Variants in PRELID2 observed in about 807,000 individuals in gnomAD.
PRELID2 encodes PRELI domain containing 2, also known as PRELI domain-containing protein 2.
In PRELID2, 25 loss-of-function variants were observed where a neutral mutation model predicts 28.4. The observed-to-expected ratio is 0.88, with a 90% CI of 0.64 to 1.23. The LOEUF (loss-of-function observed/expected upper bound fraction) is 1.23, where lower values mean the gene tolerates loss of function less well. PRELID2 is among the 50% of genes most tolerant of loss of function. The pLI is 0.00. For missense variants in PRELID2, 201 were observed against 214.4 expected, an observed-to-expected ratio of 0.94 and a Z score of 0.39; for synonymous variants, 76 against 71.6, an observed-to-expected ratio of 1.06 and a Z score of -0.31.
At chr5:145,428,932 T>A in the PRELID2 span, among the ~76,000 whole-genome samples, 1 of 149,186 alleles carries the variant, frequency 6.7e-6, no homozygotes, top group Non-Finnish European at 1.5e-5. Flanking sequence ...GTGGCTGGGC[T>A]GAGTGAACAA....
the PRELID2 span, among the ~76,000 whole-genome samples, chr5:145,309,346 G>A: frequency 6.6e-6 from 1 of 152,128 alleles, no homozygotes; most frequent in Non-Finnish European, 1.5e-5. Context: ...GAAATGATAT[G>A]AGCAAAGGCA....
chr5:145,680,360 C>T (rs559539072), intron 1 of PRELID2, among the ~76,000 whole-genome samples: 2 of 152,242 alleles, frequency 1.3e-5, no homozygotes, highest in South Asian at 4.2e-4. Context: ...CACTGTGCCC[C>T]CTAGGGGCTG....
chr5:145,443,797 A>G, the PRELID2 span, among the ~76,000 whole-genome samples: 2 of 152,044 alleles, frequency 1.3e-5, no homozygotes, highest in Non-Finnish European at 2.9e-5. Context: ...CCAGGCTCAC[A>G]TAGTAAGACA....
At chr5:145,735,226 C>T (rs1756462410) in intron 1 of PRELID2, among the ~76,000 whole-genome samples, 1 of 139,456 alleles carries the variant, frequency 7.2e-6, no homozygotes, top group Admixed American at 7.6e-5. Context: ...GCCCGGGCGA[C>T]AGTGTGAGTC....
chr5:145,810,087 A>G (rs896358739), intron 4 of PRELID2, among the ~76,000 whole-genome samples: 122 of 152,334 alleles, frequency 8.0e-4, no homozygotes, highest in African/African-American at 2.8e-3. Flanking sequence ...GGTAAAAACC[A>G]TGACTTTTTT....
chr5:145,344,152 T>C, the PRELID2 span, among the ~76,000 whole-genome samples: 2 of 152,160 alleles, frequency 1.3e-5, no homozygotes, highest in African/African-American at 4.8e-5. Context: ...CTTTCACTCA[T>C]TCTACAAGGC....
intron 1 of PRELID2, among the ~76,000 whole-genome samples, chr5:145,587,369 G>A (rs1036483827): frequency 3.3e-5 from 5 of 152,086 alleles, no homozygotes; most frequent in African/African-American, 7.2e-5. Context: ...CTTCGGGCCC[G>A]GGTGGCTGGG....
chr5:145,321,311 C>A, the PRELID2 span, among the ~76,000 whole-genome samples: 2 of 152,168 alleles, frequency 1.3e-5, no homozygotes, highest in Non-Finnish European at 2.9e-5. Context: ...TTATAGGCAA[C>A]ATAAATTCCA....
At chr5:145,677,744 C>G (rs778279916) in intron 1 of PRELID2, among the ~76,000 whole-genome samples, 15 of 152,080 alleles carry the variant, frequency 9.9e-5, no homozygotes, top group Non-Finnish European at 1.9e-4. Flanking sequence ...GAAGCACCAC[C>G]ATTCACCTCA....
intron 1 of PRELID2, among the ~76,000 whole-genome samples, chr5:145,709,974 T>C (rs992704202): frequency 6.6e-6 from 1 of 152,158 alleles, no homozygotes; most frequent in Non-Finnish European, 1.5e-5. Context: ...CGAGATCTAA[T>C]ATTTAAATCT....
At chr5:145,518,060 C>T (rs1196361794) in intron 1 of PRELID2, among the ~76,000 whole-genome samples, 1 of 151,716 alleles carries the variant, frequency 6.6e-6, no homozygotes, top group African/African-American at 2.4e-5. Context: ...TTAATGGGTG[C>T]AGCAAACCAC....
chr5:145,371,702 G>A, the PRELID2 span, among the ~76,000 whole-genome samples: 8 of 151,624 alleles, frequency 5.3e-5, no homozygotes, highest in Admixed American at 1.3e-4. Context: ...GCTCCTCCTT[G>A]TACCTCTGGT....
chr5:145,668,881 G>T (rs189301146), intron 1 of PRELID2, among the ~76,000 whole-genome samples: 1 of 152,212 alleles, frequency 6.6e-6, no homozygotes, highest in Non-Finnish European at 1.5e-5. Flanking sequence ...TGATTGATTT[G>T]CTTGACTAAT....
chr5:145,383,735 G>A, the PRELID2 span, among the ~76,000 whole-genome samples: 1 of 151,688 alleles, frequency 6.6e-6, no homozygotes, highest in African/African-American at 2.4e-5. Context: ...AAGAAAATGT[G>A]AGAAAAATTA....
chr5:145,307,114 C>T, the PRELID2 span, among the ~76,000 whole-genome samples: 1 of 152,174 alleles, frequency 6.6e-6, no homozygotes, highest in Non-Finnish European at 1.5e-5. Context: ...GCTTCTGTTG[C>T]TAAGTCCTTC....
intron 1 of PRELID2, among the ~76,000 whole-genome samples, chr5:145,742,941 A>G (rs1350519023): frequency 6.6e-6 from 1 of 152,140 alleles, no homozygotes; most frequent in African/African-American, 2.4e-5. Flanking sequence ...AGGAAGTACT[A>G]TTTGACCAAA....
intron 1 of PRELID2, among the ~76,000 whole-genome samples, chr5:145,508,257 C>CAGACAGATAGATAGAT (rs147106499): frequency 9.4e-4 from 141 of 149,620 alleles, no homozygotes; most frequent in African/African-American, 1.8e-3. Flanking sequence ...TTTGCATAGA[C>CAGACAGATAGATAGAT]AGATAGATAG....
chr5:145,464,195 T>C, the PRELID2 span, among the ~76,000 whole-genome samples: 1 of 152,024 alleles, frequency 6.6e-6, no homozygotes, highest in African/African-American at 2.4e-5. Context: ...ACCCCAAGCA[T>C]GATGCTTCCA....
At chr5:145,229,306 T>C in the PRELID2 span, 68 of 747,998 alleles carry the variant, frequency 9.1e-5, no homozygotes, top group Non-Finnish European at 1.5e-4. Context: ...TGATGGAATA[T>C]GCAAAGCAAC....
Sources: gnomAD v4.1 joint callset for allele counts (sites outside exome capture counted in the v4.1 genomes callset) on GRCh38, gnomAD v4.1.1 for gene constraint, MANE v1.5 for transcripts, NCBI Gene and HGNC (gene_info 2026-07-23, HGNC 2026-07-21) for gene names.